ANKRD46: variants seen among roughly 807,000 people sequenced by gnomAD.
The protein encoded by ANKRD46 is ankyrin repeat domain-containing protein 46.
ANKRD46 carries 13 observed loss-of-function variants against 19.8 expected under a neutral mutation model. The ratio of observed to expected loss-of-function variants is 0.66; its 90% CI spans 0.43 to 1.04. ANKRD46 has a LOEUF of 1.04. Among genes scored for constraint, ANKRD46 ranks in the 50% least tolerant of loss-of-function variants. The pLI, the probability that ANKRD46 is intolerant of heterozygous loss-of-function variation, is 0.00. For synonymous variants in ANKRD46, 91 were observed against 106.9 expected (o/e 0.85, Z 0.92); for missense variants, 185 against 274.8 (o/e 0.67, Z 2.31).
At chr8:100,551,694 C>G in intron 1 of ANKRD46, 1 of 625,204 alleles carries the variant, frequency 1.6e-6, no homozygotes, top group South Asian at 1.4e-5. Flanking sequence ...TCTATTTACT[C>G]TGGCCTTCAC....
At chr8:100,515,306 C>G (rs1811612120) in intron 5 of ANKRD46, among the ~76,000 whole-genome samples, 1 of 152,150 alleles carries the variant, frequency 6.6e-6, no homozygotes, top group African/African-American at 2.4e-5. Context: ...CTCTTGAAAC[C>G]CCGGGGCCTG....
chr8:100,556,291 G>C (rs1210431230), intron 1 of ANKRD46, among the ~76,000 whole-genome samples: 1 of 152,184 alleles, frequency 6.6e-6, no homozygotes, highest in Non-Finnish European at 1.5e-5. Context: ...AAAGTGTTGG[G>C]ATTACAGGCA....
intron 1 of ANKRD46, among the ~76,000 whole-genome samples, chr8:100,556,168 G>A (rs940356409): frequency 3.9e-5 from 6 of 152,162 alleles, no homozygotes; most frequent in African/African-American, 1.4e-4. Context: ...CCACAGGTGT[G>A]TGCTAGCACG....
rs566860661 is a variant in ANKRD46 at position 100,545,772 on chromosome 8, T to C, written c.-130-12461A>G. Among the ~76,000 whole-genome samples the C allele has an allele frequency of 6.6e-6, 1 of 152,322 alleles. No homozygotes were observed. The highest frequency in any genetic ancestry group is 1.9e-4 in the East Asian group (1 of 5,190). On this transcript the variant is annotated intron_variant, in intron 1 of 4. Transcript: ENST00000335659. This position sits in a 1 kb window ranked among gnomAD's most constrained non-coding sequence, Gnocchi z 4.7. ...TGCTGAATGGTTTTGACCAAAATGC[T>C]GATAGTGATATGGACAATGAAATCA...
At position 100,531,916 on chromosome 8, in the gene ANKRD46, G is replaced by T. The variant is rs1281963960; in HGVS notation, c.-28+1293C>A. Among the ~76,000 whole-genome samples the T allele has an allele frequency of 2.0e-5, 3 of 152,204 alleles. No homozygotes were observed. In the East Asian group the frequency reaches 5.8e-4, roughly 29 times the overall value. ...TGTAGAGACAAAGACTGGAGGCAGGGAGATCAATCATTAGGTCATTGCAGC... is the reference window on the plus strand; with the variant it reads ...TGTAGAGACAAAGACTGGAGGCAGGTAGATCAATCATTAGGTCATTGCAGC... On this transcript the variant is annotated intron_variant, in intron 2 of 4. Coordinates refer to ENST00000335659, the MANE Select transcript of ANKRD46 (RefSeq NM_001270377.2).
chr8:100,538,581 G>C (rs1812110952), intron 1 of ANKRD46, among the ~76,000 whole-genome samples: 1 of 151,926 alleles, frequency 6.6e-6, no homozygotes, highest in African/African-American at 2.4e-5. Flanking sequence ...TCTTCAAACA[G>C]GGGTTTGAAG....
chr8:100,529,868 G>C lies in ANKRD46; in HGVS notation c.-27-8C>G, dbSNP rs1811922415. 6.3e-7 allele frequency: 1 copy of C among 1,582,368 alleles called. No homozygotes were observed. The highest frequency in any genetic ancestry group is 8.6e-7 in the Non-Finnish European group (1 of 1,157,328). Reference sequence around the variant, plus strand: ...GTGGTGGATGGAACACGCCTGTAATGAAATAGGTGAGTGAGATTCCATGAA... The same window carrying C: ...GTGGTGGATGGAACACGCCTGTAATCAAATAGGTGAGTGAGATTCCATGAA... On this transcript the variant is annotated splice_region_variant and splice_polypyrimidine_tract_variant and intron_variant, in intron 2 of 4. Transcript: ENST00000335659. The surrounding 1 kb of genome is among the most constrained non-coding windows in gnomAD (Gnocchi z 5.8).
chr8:100,551,362 C>T (rs1466992013), intron 1 of ANKRD46: 2 of 586,238 alleles, frequency 3.4e-6, no homozygotes, highest in Non-Finnish European at 6.5e-6. Context: ...GAGATGATGA[C>T]CCTTTTGGCT....
intron 1 of ANKRD46, among the ~76,000 whole-genome samples, chr8:100,542,527 A>G (rs1231861129): frequency 6.6e-6 from 1 of 152,096 alleles, no homozygotes; most frequent in African/African-American, 2.4e-5. Context: ...AAATAGTCTT[A>G]TATCTAAGGG....
exon 6 of ANKRD46, chr8:100,509,850 C>T (rs1046571264): frequency 6.6e-6 from 1 of 152,190 alleles, no homozygotes; most frequent in Non-Finnish European, 1.5e-5. Flanking sequence ...GGGCAGGAGA[C>T]AATTTAGGAT....
chr8:100,518,405 T>C (rs1327002715), downstream of ANKRD46, among the ~76,000 whole-genome samples: 2 of 152,222 alleles, frequency 1.3e-5, no homozygotes, highest in African/African-American at 4.8e-5. Flanking sequence ...TGTAATAGAA[T>C]TATGTTGATG....
rs1216650330 is a variant in ANKRD46, at chr8:100,533,192, CA to C, written c.-28+16del. The C allele has an allele frequency of 6.6e-6, 1 of 152,214 alleles. No homozygotes were observed. The highest frequency in any genetic ancestry group is 1.5e-5 in the Non-Finnish European group (1 of 68,044). The allele number at this position is 152,214 out of a possible 1,614,324, so 9.4% of individuals were successfully genotyped here. A position where few individuals can be genotyped will look rare whatever the true frequency, so the allele number is the denominator to read the frequency against. On this transcript the variant is annotated intron_variant, in intron 2 of 4. Coordinates refer to ENST00000335659, the MANE Select transcript of ANKRD46 (RefSeq NM_001270377.2). ...GTTTCACATCTTGTGAGGAAGTCCA[CA>C]GTAGTAAATACTCACGTAAGCCTTA...
Position 100,510,717 on chromosome 8 carries a change from G to T in ANKRD46, c.637-78C>A. The T allele has an allele frequency of 7.8e-7, 1 of 1,277,496 alleles. No individual in the cohort carries two copies. Among genetic ancestry groups the T allele is most frequent in the Non-Finnish European group, 1.1e-6 (1 of 932,564 alleles). The allele number at this position is 1,277,496 out of a possible 1,614,324, so 79.1% of individuals were successfully genotyped here. On this transcript the variant is annotated intron_variant, in intron 5 of 5. Coordinates refer to the ANKRD46 transcript ENST00000520552. This position sits in a 1 kb window ranked among gnomAD's most constrained non-coding sequence, Gnocchi z 4.9. ...AAGCTGCAGAGATGTGCCAGGACCAGATACAATCATAAATATATAGAACCA... is the reference window on the plus strand; with the variant it reads ...AAGCTGCAGAGATGTGCCAGGACCATATACAATCATAAATATATAGAACCA...
At chr8:100,520,741 TAAAA>T, downstream of ANKRD46, 42 of 718,572 alleles carry the variant, frequency 5.8e-5, no homozygotes, top group East Asian at 3.0e-4. Flanking sequence ...TATAATACAC[TAAAA>T]AAAAAAAAAA....
Position 100,543,082 on chromosome 8 carries a change from T to G in ANKRD46, c.-130-9771A>C, listed in dbSNP as rs1336321608. Among the ~76,000 whole-genome samples the G allele has an allele frequency of 1.3e-5, 2 of 152,110 alleles. No homozygotes were observed. Among genetic ancestry groups the G allele is most frequent in the Non-Finnish European group, 2.9e-5 (2 of 68,024 alleles). ...CCTATATCAGTTTCCCATGGAGCTA[T>G]TTTTGCAAACTGCCCAGAGACCAGA... On this transcript the variant is annotated intron_variant, in intron 1 of 4. Transcript: ENST00000335659. The surrounding 1 kb of genome is among the most constrained non-coding windows in gnomAD (Gnocchi z 4.2).
At chr8:100,548,044 C>T (rs1812308642) in intron 1 of ANKRD46, among the ~76,000 whole-genome samples, 1 of 152,048 alleles carries the variant, frequency 6.6e-6, no homozygotes. Flanking sequence ...ATGGCCCAAG[C>T]ATGGCCTTCT....
At position 100,550,336 on chromosome 8, in the gene ANKRD46, C is replaced by T. The variant is rs914313351; in HGVS notation, c.-131+9375G>A. Among the ~76,000 whole-genome samples the T allele has an allele frequency of 1.3e-5, 2 of 152,138 alleles. No homozygotes were observed. Among genetic ancestry groups the T allele is most frequent in the South Asian group, 2.1e-4 (1 of 4,826 alleles). On this transcript the variant is annotated intron_variant, in intron 1 of 4. Coordinates refer to ENST00000335659, the MANE Select transcript of ANKRD46 (RefSeq NM_001270377.2). This position sits in a 1 kb window ranked among gnomAD's most constrained non-coding sequence, Gnocchi z 4.4. ...TCTCACCAGCATTTGGTGTTGTCAGCGTTCTAGATTTTAGTTAGCCATTTT... is the reference window on the plus strand; with the variant it reads ...TCTCACCAGCATTTGGTGTTGTCAGTGTTCTAGATTTTAGTTAGCCATTTT...
rs1386894006 is a variant in ANKRD46, at chr8:100,536,112, G to A, written c.-130-2801C>T. Among the ~76,000 whole-genome samples the A allele has an allele frequency of 2.0e-5, 3 of 152,052 alleles. No homozygotes were observed. Among genetic ancestry groups the A allele is most frequent in the Non-Finnish European group, 2.9e-5 (2 of 68,024 alleles). ...TGGATGTACTGGCATTTACCAAAGG[G>A]AGTGTTTAATAAGAACCATTCTTCA... On this transcript the variant is annotated intron_variant, in intron 1 of 4. Coordinates refer to ENST00000335659, the MANE Select transcript of ANKRD46 (RefSeq NM_001270377.2). The surrounding 1 kb of genome is among the most constrained non-coding windows in gnomAD (Gnocchi z 4.9).
chr8:100,535,269 A>G (rs1812041861), intron 1 of ANKRD46, among the ~76,000 whole-genome samples: 3 of 152,246 alleles, frequency 2.0e-5, no homozygotes, highest in African/African-American at 7.2e-5. Flanking sequence ...AAGTGAATAC[A>G]AATCAGAGCA....
Sources: gnomAD v4.1 joint callset for allele counts (sites outside exome capture counted in the v4.1 genomes callset) on GRCh38, gnomAD v4.1.1 for gene constraint, Gnocchi (gnomAD v3.1) non-coding constraint, MANE v1.5 for transcripts, NCBI Gene and HGNC (gene_info 2026-07-23, HGNC 2026-07-21) for gene names.